The following ACTR3B variants were observed in gnomAD, a reference collection of about 807,000 sequenced individuals.
ACTR3B encodes the protein actin related protein 3B.
Under a neutral mutation model 59.0 loss-of-function variants are expected in ACTR3B, and 8 were observed. That is an observed-to-expected ratio of 0.14 (90% confidence interval 0.08 to 0.24). The LOEUF (loss-of-function observed/expected upper bound fraction) is 0.24. Among genes scored for constraint, ACTR3B ranks in the 10% least tolerant of loss-of-function variants. The pLI, the probability that ACTR3B is intolerant of heterozygous loss-of-function variation, is 1.00. For synonymous variants in ACTR3B, 148 were observed against 197.9 expected, an observed-to-expected ratio of 0.75 and a Z score of 2.12; for missense variants, 245 against 552.3, an observed-to-expected ratio of 0.44 and a Z score of 5.58.
rs550742772 is a variant in ACTR3B at position 152,786,562 on chromosome 7, A to C, written c.100+3320A>C. The stretch of plus-strand genomic sequence containing the variant: ...AGTGAGGTTCCGTCTCGAAAAAAAA[A>C]AAAAAACAAAAAACAAACAAACCCC... On this transcript the variant is annotated intron_variant, in intron 2 of 11. Transcript: ENST00000256001. 1.2e-3 allele frequency: 186 copies of C among 157,030 alleles called. 1 individual carries two copies. Among genetic ancestry groups the C allele is most frequent in the Admixed American group, 2.8e-3 (43 of 15,298 alleles). The allele number at this position is 157,030 out of a possible 1,614,324, so 9.7% of individuals were successfully genotyped here. A position where few individuals can be genotyped will look rare whatever the true frequency, so the allele number is the denominator to read the frequency against.
rs529037683 is a variant in ACTR3B, at chr7:152,850,354, G to A, written c.952-1772G>A. The stretch of plus-strand genomic sequence containing the variant: ...TCCAGGTGGAAGGCCAGCTTCTCCA[G>A]GTGGAAGGCCAGATCACTGGTGGCT... On this transcript the variant is annotated intron_variant, in intron 9 of 11. Coordinates refer to ENST00000256001, the MANE Select transcript of ACTR3B (RefSeq NM_020445.6). Among the ~76,000 whole-genome samples the A allele has an allele frequency of 4.3e-4, 65 of 151,918 alleles. 1 individual carries two copies. The highest frequency in any genetic ancestry group is 1.5e-3 in the African/African-American group (64 of 41,358).
chr7:152,805,380 G>GCAGC (rs773839551), intron 4 of ACTR3B, among the ~76,000 whole-genome samples: 4 of 152,206 alleles, frequency 2.6e-5, no homozygotes, highest in Non-Finnish European at 5.9e-5. Flanking sequence ...AAGCCGAGGA[G>GCAGC]CAGCCAGCTC....
At chr7:152,810,162 A>G (rs1795093965) in intron 4 of ACTR3B, among the ~76,000 whole-genome samples, 1 of 152,122 alleles carries the variant, frequency 6.6e-6, no homozygotes, top group Non-Finnish European at 1.5e-5. Flanking sequence ...GCTGGAGTAC[A>G]GTGGCACCAC....
At chr7:152,814,854 C>T (rs1196084018) in intron 5 of ACTR3B, among the ~76,000 whole-genome samples, 2 of 152,104 alleles carry the variant, frequency 1.3e-5, no homozygotes, top group Admixed American at 6.5e-5. Flanking sequence ...GTATAGACGT[C>T]GTCTGGCTCT....
intron 9 of ACTR3B, among the ~76,000 whole-genome samples, chr7:152,847,429 C>G (rs991700052): frequency 1.3e-5 from 2 of 152,186 alleles, no homozygotes; most frequent in Admixed American, 6.5e-5. Context: ...ACCCAGCATC[C>G]TTTCATAAAC....
chr7:152,803,822 C>G (rs992061488), intron 4 of ACTR3B, among the ~76,000 whole-genome samples: 1 of 152,168 alleles, frequency 6.6e-6, no homozygotes, highest in Non-Finnish European at 1.5e-5. Context: ...AAGAAAATAT[C>G]GTATTACATG....
rs199602962 is a variant in ACTR3B, at chr7:152,836,043, T to C, written c.951+10921T>C. ...GTTGCCAGGCTGGTGAGGTGGTGAG[T>C]GAGGGCTTTCCAGGCACTAGAGACA... On this transcript the variant is annotated intron_variant, in intron 9 of 11. Coordinates refer to ENST00000256001, the MANE Select transcript of ACTR3B (RefSeq NM_020445.6). Among the ~76,000 whole-genome samples the C allele has an allele frequency of 6.9e-4, 100 of 145,812 alleles. 2 individuals are homozygous for C. In the East Asian group the frequency reaches 0.011, roughly 17 times the overall value.
At chr7:152,791,851 C>G (rs1263347021) in intron 2 of ACTR3B, among the ~76,000 whole-genome samples, 2 of 152,202 alleles carry the variant, frequency 1.3e-5, no homozygotes, top group African/African-American at 4.8e-5. Flanking sequence ...AGTAGTACAT[C>G]ATACACTAAA....
At chr7:152,771,116 AC>A (rs2098122901) in intron 1 of ACTR3B, among the ~76,000 whole-genome samples, 1 of 151,318 alleles carries the variant, frequency 6.6e-6, no homozygotes, top group Admixed American at 6.6e-5. Flanking sequence ...GGTGCCTGCT[AC>A]CATGCCTGGC....
chr7:152,833,259 C>T (rs1324290449), intron 9 of ACTR3B, among the ~76,000 whole-genome samples: 2 of 152,094 alleles, frequency 1.3e-5, no homozygotes, highest in Non-Finnish European at 2.9e-5. Context: ...TCCCATCAGG[C>T]GGCCGTTGAG....
At chr7:152,840,712 A>C (rs375893418) in intron 9 of ACTR3B, among the ~76,000 whole-genome samples, 27 of 86,210 alleles carry the variant, frequency 3.1e-4, no homozygotes, top group Non-Finnish European at 4.9e-4. Flanking sequence ...ACTGTATTCC[A>C]CCCTCCACTC....
At chr7:152,796,860 G>GTTTTT (rs779909545) in intron 2 of ACTR3B, among the ~76,000 whole-genome samples, 10 of 54,750 alleles carry the variant, frequency 1.8e-4, no homozygotes, top group African/African-American at 3.5e-4. Context: ...TAGTTTTTGT[G>GTTTTT]TTTTTTTTTT....
chr7:152,846,339 C>T (rs1245299468), intron 9 of ACTR3B, among the ~76,000 whole-genome samples: 1 of 141,634 alleles, frequency 7.1e-6, no homozygotes, highest in Admixed American at 7.1e-5. Context: ...AGTGCCCGGG[C>T]TGTAGTCTGC....
chr7:152,834,784 C>T (rs552632063), intron 9 of ACTR3B, among the ~76,000 whole-genome samples: 1 of 152,310 alleles, frequency 6.6e-6, no homozygotes, highest in East Asian at 1.9e-4. Flanking sequence ...ACTAATGGTG[C>T]TTTTTGAGTC....
chr7:152,776,956 A>G (rs145448323), intron 1 of ACTR3B, among the ~76,000 whole-genome samples: 4,485 of 152,260 alleles, frequency 0.029, 93 homozygotes, highest in Middle Eastern at 0.099. Context: ...TATTTAATAT[A>G]TCCTCTATTT....
At position 152,787,303 on chromosome 7, in the gene ACTR3B, A is replaced by C. The variant is rs186573922; in HGVS notation, c.100+4061A>C. Among the ~76,000 whole-genome samples the C allele has an allele frequency of 1.8e-4, 27 of 152,308 alleles. No individual in the cohort carries two copies. In the East Asian group the frequency reaches 5.0e-3, roughly 28 times the overall value. On this transcript the variant is annotated intron_variant, in intron 2 of 11. Transcript: ENST00000256001. ...GTTGAGCACCTTTCATTGCCTGTTC[A>C]TATCTTTGCCCATTTTTCTATTGCA...
At chr7:152,853,066 C>T (rs1382161797) in intron 10 of ACTR3B, among the ~76,000 whole-genome samples, 3 of 152,054 alleles carry the variant, frequency 2.0e-5, no homozygotes, top group Non-Finnish European at 2.9e-5. Flanking sequence ...GCTGGGATTA[C>T]AGGTGCGAGC....
At chr7:152,811,433 C>T (rs534269532) in intron 4 of ACTR3B, 322 of 151,566 alleles carry the variant, frequency 2.1e-3, no homozygotes, top group African/African-American at 7.2e-3. Flanking sequence ...GGATTTGATC[C>T]CAGTCAGTTT....
chr7:152,853,573 C>T lies in ACTR3B; in HGVS notation c.1157C>T (p.Ser386Leu), dbSNP rs755214484. 11 of 1,613,252 alleles carry T rather than the reference C, an allele frequency of 6.8e-6. No individual in the cohort carries two copies. Among genetic ancestry groups the T allele is most frequent in the Middle Eastern group, 1.7e-4 (1 of 6,060 alleles). ...AVWFGGSMLA[S>L]TPEFFQVCHT... is the part of the protein sequence containing the mutation. Reference sequence around the variant, plus strand: ...TGGTTCGGAGGCTCCATGCTGGCCTCGACTGTAAGTCCCTCTCTCGAGGGC... The same window carrying T: ...TGGTTCGGAGGCTCCATGCTGGCCTTGACTGTAAGTCCCTCTCTCGAGGGC... Residue 386 changes from serine (S) to leucine (L), a missense_variant, in exon 11 of 12, where the codon TCG becomes TTG. This residue lies in a region of ACTR3B where 153 missense variants were observed against 266.2 expected (regional missense o/e 0.57). Coordinates refer to ENST00000256001, the MANE Select transcript of ACTR3B (RefSeq NM_020445.6).
Sources: gnomAD v4.1 joint callset for allele counts (sites outside exome capture counted in the v4.1 genomes callset) on GRCh38, gnomAD v4.1.1 for gene constraint, gnomAD v4.1.1 regional missense constraint, MANE v1.5 for transcripts, NCBI Gene and HGNC (gene_info 2026-07-23, HGNC 2026-07-21) for gene names.